Variants in HNRNPLL observed in about 807,000 individuals in gnomAD.
HNRNPLL encodes heterogeneous nuclear ribonucleoprotein L-like.
HNRNPLL carries 25 observed loss-of-function variants against 67.1 expected under a neutral mutation model. The observed-to-expected ratio is 0.37, with a 90% CI of 0.27 to 0.52. HNRNPLL has a LOEUF of 0.52. HNRNPLL is among the 20% of genes least tolerant of loss of function. The pLI is 0.90. For synonymous variants in HNRNPLL, 267 were observed against 241.7 expected (o/e 1.10, Z -0.97); for missense variants, 542 against 673.9 (o/e 0.80, Z 2.17).
At chr2:38,567,242 A>G (rs902937896) in intron 12 of HNRNPLL, among the ~76,000 whole-genome samples, 2 of 152,110 alleles carry the variant, frequency 1.3e-5, no homozygotes, top group East Asian at 1.9e-4. Flanking sequence ...AGCTGAAACT[A>G]CAAGTGTGTG....
intron 1 of HNRNPLL, among the ~76,000 whole-genome samples, chr2:38,595,247 C>A (rs1192269467): frequency 5.0e-5 from 7 of 139,356 alleles, no homozygotes. Flanking sequence ...GCCACTCCAG[C>A]CTGGGTGATG....
At chr2:38,594,027 T>C (rs1329013929) in intron 1 of HNRNPLL, among the ~76,000 whole-genome samples, 2 of 150,866 alleles carry the variant, frequency 1.3e-5, no homozygotes, top group African/African-American at 2.4e-5. Flanking sequence ...ACAAAAAAAT[T>C]AGCCGGGCAT....
At chr2:38,585,228 T>A (rs1666679637) in intron 3 of HNRNPLL, among the ~76,000 whole-genome samples, 1 of 152,342 alleles carries the variant, frequency 6.6e-6, no homozygotes, top group African/African-American at 2.4e-5. Flanking sequence ...CAAAGACAGA[T>A]TTTTAACAAG....
chr2:38,573,045 A>T (rs1371139345), intron 8 of HNRNPLL, among the ~76,000 whole-genome samples, 165 bp downstream of exon 8: 9 of 151,988 alleles, frequency 5.9e-5, no homozygotes, highest in Non-Finnish European at 1.0e-4. Flanking sequence ...CTTATCAACA[A>T]AAAACATTTT....
chr2:38,592,196 T>C (rs549095921), intron 1 of HNRNPLL, among the ~76,000 whole-genome samples: 20 of 152,328 alleles, frequency 1.3e-4, no homozygotes, highest in Middle Eastern at 3.4e-3. Flanking sequence ...TTTAATAATA[T>C]TTCAACTTCA....
In HNRNPLL at chr2:38,595,291, A is replaced by G. The variant is rs1299559529; in HGVS notation, c.190-3643T>C. ...CTTGTCTAAAAAAAAAAAAAAAAAAAAAAAAAGAAAAGAAAAAAACACAAA... is the reference window on the plus strand; with the variant it reads ...CTTGTCTAAAAAAAAAAAAAAAAAAGAAAAAAGAAAAGAAAAAAACACAAA... On this transcript the variant is annotated intron_variant, in intron 1 of 12. Transcript: ENST00000449105. 4.0e-5 allele frequency among the ~76,000 whole-genome samples: 6 copies of G among 148,154 alleles called. No homozygotes were observed. In the East Asian group the frequency reaches 5.9e-4, roughly 14 times the overall value.
chr2:38,578,075 G>T (rs1442254084), intron 6 of HNRNPLL: 2 of 458,448 alleles, frequency 4.4e-6, no homozygotes, highest in African/African-American at 2.0e-5. Flanking sequence ...ACAAACACCT[G>T]ACTTGAGAGC....
At chr2:38,576,112 A>G (rs1666291640) in intron 7 of HNRNPLL, among the ~76,000 whole-genome samples, 1 of 151,820 alleles carries the variant, frequency 6.6e-6, no homozygotes, top group Admixed American at 6.6e-5. Flanking sequence ...AATATTTTAT[A>G]AAGGAAGGCA....
At chr2:38,574,780 T>C (rs1250120968) in intron 7 of HNRNPLL, among the ~76,000 whole-genome samples, 1 of 151,844 alleles carries the variant, frequency 6.6e-6, no homozygotes, top group Admixed American at 6.6e-5. Flanking sequence ...CTACTCCTTT[T>C]ATTGGCAATT....
chr2:38,575,410 G>A (rs572207062), intron 7 of HNRNPLL, among the ~76,000 whole-genome samples: 93 of 151,732 alleles, frequency 6.1e-4, no homozygotes, highest in Middle Eastern at 3.4e-3. Flanking sequence ...AAAATCTTTC[G>A]TCTACAAACC....
chr2:38,590,397 C>T (rs1446687946), intron 2 of HNRNPLL, among the ~76,000 whole-genome samples: 1 of 152,118 alleles, frequency 6.6e-6, no homozygotes, highest in African/African-American at 2.4e-5. Context: ...TCAGAAAACA[C>T]ACTGAAATTT....
intron 2 of HNRNPLL, among the ~76,000 whole-genome samples, chr2:38,589,140 A>G (rs1250587132): frequency 1.3e-5 from 2 of 152,222 alleles, no homozygotes; most frequent in African/African-American, 4.8e-5. Flanking sequence ...ACTCTTGATT[A>G]TAATGCATAC....
chr2:38,599,856 C>G (rs1299352275), intron 1 of HNRNPLL: 1 of 469,748 alleles, frequency 2.1e-6, no homozygotes, highest in African/African-American at 2.0e-5. Context: ...ACTTTACAAA[C>G]TTCCAACTAG....
Position 38,602,701 on chromosome 2 carries a change from A to C in HNRNPLL, c.-75T>G, listed in dbSNP as rs1667502840. 2 of 1,426,510 alleles carry C rather than the reference A, an allele frequency of 1.4e-6. No individual in the cohort carries two copies. The highest frequency in any genetic ancestry group is 1.8e-6 in the Non-Finnish European group (2 of 1,094,532). 88.4% of individuals were successfully genotyped at this position (1,426,510 alleles called of 1,614,324 possible). ...GCGCGCGCCTCGGATGCCGCCGGCC[A>C]GTCCTCGCCGCCGGCAGCGCCTCTT... On this transcript the variant is annotated 5_prime_UTR_variant, in exon 1 of 13. Transcript: ENST00000449105.
intron 1 of HNRNPLL, among the ~76,000 whole-genome samples, chr2:38,600,597 G>A (rs887449198): frequency 2.0e-5 from 3 of 151,998 alleles, no homozygotes; most frequent in African/African-American, 7.3e-5. Context: ...GCCCGGCGTG[G>A]TGATGCAGGC....
intron 1 of HNRNPLL, among the ~76,000 whole-genome samples, chr2:38,597,377 A>G (rs577787613): frequency 3.9e-5 from 6 of 152,192 alleles, no homozygotes; most frequent in African/African-American, 7.2e-5. Context: ...AAATTTATCA[A>G]TGCAGTCCCA....
At chr2:38,598,584 A>T (rs970579508) in intron 1 of HNRNPLL, among the ~76,000 whole-genome samples, 1 of 152,238 alleles carries the variant, frequency 6.6e-6, no homozygotes, top group Admixed American at 6.5e-5. Context: ...TTAGATATGT[A>T]ACATTTTTTC....
In HNRNPLL at chr2:38,577,532, T is replaced by C; in HGVS notation, c.803A>G (p.Asp268Gly). The C allele has an allele frequency of 6.2e-7, 1 of 1,601,800 alleles. No homozygotes were observed. Among genetic ancestry groups the C allele is most frequent in the Non-Finnish European group, 8.6e-7 (1 of 1,169,182 alleles). The part of the protein sequence containing the change: ...DYTKPYLGRR[D>G]RGKGRQRQAI... ...TTGTCTCTGGCGACCCTTTCCTCTATCTGACACAAAAGTAGAAACATGGTT... is the reference window on the plus strand; with the variant it reads ...TTGTCTCTGGCGACCCTTTCCTCTACCTGACACAAAAGTAGAAACATGGTT... The change falls in exon 7 of 13, where the codon GAT (aspartate) becomes GGT (glycine). Residue 268 changes from aspartate to glycine, a missense_variant and splice_region_variant. Transcript: ENST00000449105.
At chr2:38,576,890 A>C (rs1485797693) in intron 7 of HNRNPLL, among the ~76,000 whole-genome samples, 2 of 151,886 alleles carry the variant, frequency 1.3e-5, no homozygotes, top group Non-Finnish European at 2.9e-5. Context: ...AACGTTACCT[A>C]ATTTTTTCCT....
Sources: gnomAD v4.1 joint callset for allele counts (sites outside exome capture counted in the v4.1 genomes callset) on GRCh38, gnomAD v4.1.1 for gene constraint, MANE v1.5 for transcripts, NCBI Gene and HGNC (gene_info 2026-07-23, HGNC 2026-07-21) for gene names.